Variants in GLDC observed in about 807,000 individuals in gnomAD.
The protein encoded by GLDC is glycine dehydrogenase (decarboxylating), mitochondrial.
GLDC carries 104 observed loss-of-function variants against 121.3 expected under a neutral mutation model. That is an observed-to-expected ratio of 0.86 (90% CI 0.73 to 1.01). The LOEUF is 1.01. Among genes scored for constraint, GLDC ranks in the 50% least tolerant of loss-of-function variants. The probability of loss-of-function intolerance (pLI) is 0.00; values close to 1 mark genes in which losing one functional copy is unlikely to be tolerated. For missense variants in GLDC, 1,429 were observed against 1,306.6 expected, an observed-to-expected ratio of 1.09 and a Z score of -1.44; for synonymous variants, 546 against 480.6, an observed-to-expected ratio of 1.14 and a Z score of -1.78.
intron 8 of GLDC, among the ~76,000 whole-genome samples, chr9:6,600,695 G>GAAA (rs372859128): frequency 1.4e-5 from 2 of 144,084 alleles, no homozygotes; most frequent in Non-Finnish European, 3.1e-5. Context: ...AAAAGAAGAA[G>GAAA]AAAAAAAAAA....
chr9:6,632,104 G>T (rs72695579), intron 2 of GLDC, among the ~76,000 whole-genome samples: 33,031 of 152,020 alleles, frequency 0.22, 3,660 homozygotes, highest in South Asian at 0.3. Context: ...GTCCAACCGA[G>T]AATCACACCA....
chr9:6,635,602 G>T (rs1262722906), intron 2 of GLDC, among the ~76,000 whole-genome samples: 2 of 152,058 alleles, frequency 1.3e-5, no homozygotes, highest in Non-Finnish European at 2.9e-5. Context: ...TCTGGGTGTG[G>T]TGGCTCACAC....
At chr9:6,613,484 T>C (rs1345058384) in intron 3 of GLDC, among the ~76,000 whole-genome samples, 2 of 152,222 alleles carry the variant, frequency 1.3e-5, no homozygotes, top group African/African-American at 4.8e-5. Context: ...GAAGTTTTTG[T>C]ATCTTAACTT....
intron 22 of GLDC, among the ~76,000 whole-genome samples, chr9:6,537,037 T>G (rs895860883): frequency 1.4e-4 from 21 of 152,016 alleles, no homozygotes; most frequent in South Asian, 4.2e-4. Flanking sequence ...AGCATTTTTT[T>G]TTTTTTTTTT....
intron 4 of GLDC, among the ~76,000 whole-genome samples, chr9:6,607,442 G>A (rs543453743): frequency 6.6e-6 from 1 of 151,690 alleles, no homozygotes. Flanking sequence ...ACGTAGCCAG[G>A]CATGGTGGTG....
intron 2 of GLDC, among the ~76,000 whole-genome samples, chr9:6,622,433 G>T (rs1446269644): frequency 6.7e-6 from 1 of 149,694 alleles, no homozygotes; most frequent in Non-Finnish European, 1.5e-5. Flanking sequence ...TGGTGGAGAC[G>T]GGGTTTCCCT....
chr9:6,629,958 T>TGTATATATATGTATATATA, intron 2 of GLDC, among the ~76,000 whole-genome samples: 1 of 78,680 alleles, frequency 1.3e-5, no homozygotes, highest in African/African-American at 6.1e-5. Flanking sequence ...TATATATATA[T>TGTATATATATGTATATATA]TTTTTTTTTT....
At chr9:6,622,159 G>GACACACACACACACAC (rs60752054) in intron 2 of GLDC, among the ~76,000 whole-genome samples, 8 of 145,422 alleles carry the variant, frequency 5.5e-5, no homozygotes, top group African/African-American at 7.6e-5. Context: ...CACACACACA[G>GACACACACACACACAC]ACACACACAC....
intron 21 of GLDC, 42 bp downstream of exon 21, chr9:6,550,761 A>T (rs770637114): frequency 5.1e-6 from 7 of 1,368,142 alleles, no homozygotes; most frequent in Non-Finnish European, 7.3e-6. Flanking sequence ...AGTTTGGCCA[A>T]GAAAAAAACC....
intron 5 of GLDC, chr9:6,606,182 A>G: frequency 9.5e-6 from 2 of 210,810 alleles, no homozygotes; most frequent in Non-Finnish European, 1.9e-5. Flanking sequence ...GGTGGCGGGC[A>G]CCTGTAGTCC....
chr9:6,619,387 T>G (rs1200826858), intron 3 of GLDC, among the ~76,000 whole-genome samples: 1 of 149,606 alleles, frequency 6.7e-6, no homozygotes, highest in African/African-American at 2.4e-5. Flanking sequence ...TCAAAAATTT[T>G]GGGGGTGGGA....
intron 15 of GLDC, chr9:6,565,768 G>C: frequency 1.9e-6 from 1 of 527,588 alleles, no homozygotes; most frequent in Admixed American, 3.4e-5. Flanking sequence ...AGAACAAAAG[G>C]AACTACGACG....
intron 7 of GLDC, among the ~76,000 whole-genome samples, chr9:6,604,067 G>T (rs1465189257): frequency 6.6e-6 from 1 of 151,574 alleles, no homozygotes; most frequent in African/African-American, 2.4e-5. Flanking sequence ...AAGGAACAAA[G>T]ACTACTTCTG....
intron 15 of GLDC, among the ~76,000 whole-genome samples, chr9:6,583,277 G>C (rs1382504585): frequency 6.6e-6 from 1 of 152,076 alleles, no homozygotes; most frequent in African/African-American, 2.4e-5. Flanking sequence ...AATGTAAAGT[G>C]GCATTATTCA....
chr9:6,561,474 C>A (rs1003367270), intron 16 of GLDC, among the ~76,000 whole-genome samples: 1 of 152,032 alleles, frequency 6.6e-6, no homozygotes, highest in East Asian at 1.9e-4. Flanking sequence ...CATGGTGAAA[C>A]CCTGTCTCTA....
chr9:6,639,890 GAAC>G (rs1481144837), intron 2 of GLDC, among the ~76,000 whole-genome samples: 15 of 152,134 alleles, frequency 9.9e-5, no homozygotes, highest in South Asian at 6.2e-4. Flanking sequence ...CCAGGAAACC[GAAC>G]AACAACTTCC....
At chr9:6,589,144 C>G (rs1320577086) in intron 12 of GLDC, 51 bp downstream of exon 12, 6 of 1,102,026 alleles carry the variant, frequency 5.4e-6, no homozygotes, top group Non-Finnish European at 1.4e-6. Flanking sequence ...GCCTAACTCC[C>G]TAGCTGATTA....
rs773654767 is a variant in GLDC at position 6,558,604 on chromosome 9, C to T, written c.2007G>A (p.Glu669=). Residue 669 remains glutamate (E), a synonymous_variant, in exon 17 of 25, where the codon GAG becomes GAA. Coordinates refer to ENST00000321612, the MANE Select transcript of GLDC (RefSeq NM_000170.3). ...HMAGMKIQPV[E]VDKYGNIDAV... Reference sequence around the variant, plus strand: ...CATCGATATTCCCATATTTATCCACCTCCACAGGCTGAATCTTCATGCCTG... The same window carrying T: ...CATCGATATTCCCATATTTATCCACTTCCACAGGCTGAATCTTCATGCCTG... 1 of 1,614,210 alleles carries T rather than the reference C, an allele frequency of 6.2e-7. No homozygotes were observed. The highest frequency in any genetic ancestry group is 8.5e-7 in the Non-Finnish European group (1 of 1,180,026).
At chr9:6,637,516 C>G (rs1240211933) in intron 2 of GLDC, among the ~76,000 whole-genome samples, 1 of 151,604 alleles carries the variant, frequency 6.6e-6, no homozygotes, top group Non-Finnish European at 1.5e-5. Context: ...GTGGCGCAAT[C>G]ACAGCTCACT....
Sources: allele counts gnomAD v4.1 joint callset (sites outside exome capture counted in the v4.1 genomes callset), GRCh38; gene constraint gnomAD v4.1.1; transcripts MANE v1.5; gene names NCBI Gene and HGNC (gene_info 2026-07-23, HGNC 2026-07-21).